GSE1: variants seen among roughly 807,000 people sequenced by gnomAD.
GSE1 encodes the protein genetic suppressor element 1.
In GSE1, 32 loss-of-function variants were observed where a neutral mutation model predicts 112.6. The ratio of observed to expected loss-of-function variants is 0.28; its 90% CI spans 0.21 to 0.38. The LOEUF is 0.38. Among genes scored for constraint, GSE1 ranks in the 10% least tolerant of loss-of-function variants. GSE1 has a pLI of 1.00. For missense variants in GSE1, 2,348 were observed against 1,699.2 expected (o/e 1.38, Z -6.71); for synonymous variants, 1,115 against 735.6 (o/e 1.52, Z -8.35).
chr16:85,669,561 C>T (rs1444807142), intron 14 of GSE1, among the ~76,000 whole-genome samples: 5 of 152,160 alleles, frequency 3.3e-5, no homozygotes, highest in Non-Finnish European at 7.3e-5. Flanking sequence ...TACATGTTGC[C>T]ATTCTTTTAG....
chr16:85,226,165 G>A (rs527469675), intron 1 of GSE1, among the ~76,000 whole-genome samples: 111 of 152,296 alleles, frequency 7.3e-4, no homozygotes, highest in African/African-American at 2.4e-3. Context: ...AGGTAGGCAC[G>A]TCAGAGGATC....
intron 2 of GSE1, among the ~76,000 whole-genome samples, chr16:85,512,684 C>T (rs1384575749): frequency 3.3e-5 from 5 of 152,148 alleles, no homozygotes; most frequent in African/African-American, 4.8e-5. Context: ...AAGGGTCCCT[C>T]ACACCACACG....
chr16:85,392,916 G>A (rs546487176), intron 2 of GSE1, among the ~76,000 whole-genome samples: 6 of 152,330 alleles, frequency 3.9e-5, no homozygotes, highest in Admixed American at 6.5e-5. Context: ...CAGAGTGCAT[G>A]CCTCTGAGCA....
chr16:85,510,807 A>AGGCCTCATGGCTCCGGCCTCATGGCTCC (rs56189209), intron 2 of GSE1, among the ~76,000 whole-genome samples: 2 of 151,610 alleles, frequency 1.3e-5, no homozygotes, highest in South Asian at 4.2e-4. Flanking sequence ...CCTGCCTCAC[A>AGGCCTCATGGCTCCGGCCTCATGGCTCC]GGCCTCATGG....
intron 1 of GSE1, among the ~76,000 whole-genome samples, chr16:85,602,869 G>C (rs2047527277): frequency 6.6e-6 from 1 of 152,234 alleles, no homozygotes; most frequent in Non-Finnish European, 1.5e-5. Flanking sequence ...CTCCCCCGCA[G>C]GGGCCCACAC....
chr16:85,558,383 A>G (rs1420732183), intron 1 of GSE1, among the ~76,000 whole-genome samples: 1 of 151,880 alleles, frequency 6.6e-6, no homozygotes, highest in African/African-American at 2.4e-5. Context: ...GGGCGTCTTC[A>G]AAGCACAGGT....
At chr16:85,491,889 G>T (rs575686730) in intron 2 of GSE1, among the ~76,000 whole-genome samples, 127 of 152,292 alleles carry the variant, frequency 8.3e-4, no homozygotes, top group African/African-American at 2.9e-3. Context: ...GGCCTGTGTT[G>T]ACACCACATG....
At chr16:85,630,403 G>A (rs1023370890) in intron 1 of GSE1, among the ~76,000 whole-genome samples, 2 of 152,136 alleles carry the variant, frequency 1.3e-5, no homozygotes, top group East Asian at 1.9e-4. Context: ...AGAGTATAGC[G>A]GTGTGATCAT....
At chr16:85,190,832 G>A (rs1597758386) in intron 1 of GSE1, among the ~76,000 whole-genome samples, 1 of 152,214 alleles carries the variant, frequency 6.6e-6, no homozygotes, top group East Asian at 1.9e-4. Flanking sequence ...CACAAAGGGC[G>A]GACTCACCAG....
exon 1 of GSE1, chr16:85,170,974 T>A: frequency 3.0e-6 from 3 of 985,458 alleles, no homozygotes; most frequent in Non-Finnish European, 3.6e-6. Flanking sequence ...CTGCTACCTC[T>A]GTGGGGAGGA....
At chr16:85,427,039 G>C (rs545880604) in intron 2 of GSE1, among the ~76,000 whole-genome samples, 1 of 152,266 alleles carries the variant, frequency 6.6e-6, no homozygotes, top group East Asian at 1.9e-4. Flanking sequence ...CCCCGCTTCT[G>C]TCCCCACCTA....
intron 1 of GSE1, among the ~76,000 whole-genome samples, chr16:85,200,535 A>T (rs77224822): frequency 0.17 from 25,701 of 151,968 alleles, 2,326 homozygotes; most frequent in Non-Finnish European, 0.2. Flanking sequence ...CTGACCTGTC[A>T]GCTCTGGGCA....
intron 1 of GSE1, among the ~76,000 whole-genome samples, chr16:85,174,195 T>C (rs997526646): frequency 6.6e-6 from 1 of 152,022 alleles, no homozygotes; most frequent in Non-Finnish European, 1.5e-5. Context: ...CTGTTGGGGA[T>C]GAGAGGAAAT....
At chr16:85,432,121 T>C (rs1437136408) in intron 2 of GSE1, among the ~76,000 whole-genome samples, 1 of 152,182 alleles carries the variant, frequency 6.6e-6, no homozygotes, top group Non-Finnish European at 1.5e-5. Flanking sequence ...TCAAAATGCA[T>C]GAATTACCCG....
At chr16:85,212,193 G>C (rs1237395217) in intron 1 of GSE1, among the ~76,000 whole-genome samples, 1 of 152,204 alleles carries the variant, frequency 6.6e-6, no homozygotes, top group Non-Finnish European at 1.5e-5. Flanking sequence ...AACACTTGAG[G>C]TCAGGAGATC....
At chr16:85,568,055 C>G (rs748065953) in intron 1 of GSE1, among the ~76,000 whole-genome samples, 1 of 152,144 alleles carries the variant, frequency 6.6e-6, no homozygotes, top group Non-Finnish European at 1.5e-5. Flanking sequence ...GGGAATGGTA[C>G]CCTTCTAGAA....
chr16:85,218,230 G>A (rs1305412565), intron 1 of GSE1, among the ~76,000 whole-genome samples: 1 of 152,114 alleles, frequency 6.6e-6, no homozygotes, highest in African/African-American at 2.4e-5. Context: ...AGCTCACTGT[G>A]CTGAGGTGGT....
intron 1 of GSE1, among the ~76,000 whole-genome samples, chr16:85,173,367 C>T (rs943563758): frequency 6.6e-6 from 1 of 152,146 alleles, no homozygotes. Context: ...ATGTCAGTTT[C>T]CTTGGTTGAG....
At chr16:85,485,339 C>T (rs1319372633) in intron 2 of GSE1, among the ~76,000 whole-genome samples, 1 of 152,234 alleles carries the variant, frequency 6.6e-6, no homozygotes, top group African/African-American at 2.4e-5. Context: ...GCAGGGTGGG[C>T]CAGGTCCCGT....
Sources: allele counts gnomAD v4.1 joint callset (sites outside exome capture counted in the v4.1 genomes callset), GRCh38; gene constraint gnomAD v4.1.1; transcripts MANE v1.5; gene names NCBI Gene and HGNC (gene_info 2026-07-23, HGNC 2026-07-21).